Variants in SHC3 observed in about 807,000 individuals in gnomAD.
SHC3 encodes the protein SHC-transforming protein 3.
Under a neutral mutation model 60.4 loss-of-function variants are expected in SHC3, and 15 were observed. The ratio of observed to expected loss-of-function variants is 0.25; its 90% CI spans 0.17 to 0.38. The LOEUF (loss-of-function observed/expected upper bound fraction) is 0.38, where lower values mean the gene tolerates loss of function less well. Ranked by LOEUF, SHC3 falls within the 10% of genes least tolerant of loss-of-function variation. The probability of loss-of-function intolerance (pLI) is 1.00; values close to 1 mark genes in which losing one functional copy is unlikely to be tolerated. For missense variants in SHC3, 677 were observed against 786.1 expected, an observed-to-expected ratio of 0.86 and a Z score of 1.66; for synonymous variants, 294 against 325.9, an observed-to-expected ratio of 0.90 and a Z score of 1.05.
chr9:89,027,524 G>C (rs1012086732), intron 11 of SHC3, among the ~76,000 whole-genome samples: 8 of 152,054 alleles, frequency 5.3e-5, no homozygotes, highest in Non-Finnish European at 4.4e-5. Context: ...CACCATGTTA[G>C]CCAGGATGGT....
At position 89,012,333 on chromosome 9, in the gene SHC3, CTTG is replaced by C. The variant is rs1049067618; in HGVS notation, c.*1111_*1113del. 3 of 152,182 alleles carry C rather than the reference CTTG, an allele frequency of 2.0e-5. No individual in the cohort carries two copies. Among genetic ancestry groups the C allele is most frequent in the African/African-American group, 7.2e-5 (3 of 41,426 alleles). 9.4% of individuals were successfully genotyped at this position (152,182 alleles called of 1,614,324 possible). ...CTCTTCCCTGCAGCAACGGAGAAAC[CTTG>C]TTGTTGGGACAGCAGGCCTTTCCCC... On this transcript the variant is annotated 3_prime_UTR_variant, in exon 12 of 12. Coordinates refer to ENST00000375835, the MANE Select transcript of SHC3 (RefSeq NM_016848.6).
intron 6 of SHC3, among the ~76,000 whole-genome samples, chr9:89,052,705 C>A (rs190836135): frequency 2.8e-4 from 42 of 152,254 alleles, no homozygotes; most frequent in African/African-American, 8.4e-4. Flanking sequence ...AATAAGGAAA[C>A]CTTTGAAGAT....
At chr9:89,133,332 C>G (rs926272271) in intron 1 of SHC3, among the ~76,000 whole-genome samples, 4 of 152,176 alleles carry the variant, frequency 2.6e-5, no homozygotes, top group Non-Finnish European at 5.9e-5. Flanking sequence ...ACTAGTTCAA[C>G]CATTGTGGAA....
intron 2 of SHC3, among the ~76,000 whole-genome samples, chr9:89,079,427 G>A (rs1825411836): frequency 6.6e-6 from 1 of 152,186 alleles, no homozygotes; most frequent in Non-Finnish European, 1.5e-5. Flanking sequence ...AACCTCTGAT[G>A]GTTCCAGCAG....
At chr9:89,110,931 G>C (rs1465462475) in intron 2 of SHC3, among the ~76,000 whole-genome samples, 1 of 152,098 alleles carries the variant, frequency 6.6e-6, no homozygotes, top group Admixed American at 6.6e-5. Context: ...TTCTACCACA[G>C]AGAGTCCCAG....
chr9:89,015,649 G>T (rs1282971108), intron 11 of SHC3, among the ~76,000 whole-genome samples: 1 of 152,172 alleles, frequency 6.6e-6, no homozygotes, highest in Non-Finnish European at 1.5e-5. Context: ...AGAACTTATA[G>T]CCAGCAGAAC....
At position 89,110,378 on chromosome 9, in the gene SHC3, C is replaced by T. The variant is rs187171207; in HGVS notation, c.545+2178G>A. ...TTTTCCTGGTGCCTGTATAATATAA[C>T]TTAATTAGGACATTAGATTTCCCTA... On this transcript the variant is annotated intron_variant, in intron 2 of 11. Coordinates refer to ENST00000375835, the MANE Select transcript of SHC3 (RefSeq NM_016848.6). 1.0e-5 allele frequency: 10 copies of T among 985,054 alleles called. No individual in the cohort carries two copies. In the East Asian group the frequency reaches 8.0e-4, roughly 78 times the overall value. 61.0% of individuals were successfully genotyped at this position (985,054 alleles called of 1,614,324 possible).
At chr9:89,092,633 A>AAAT (rs1825641135) in intron 2 of SHC3, among the ~76,000 whole-genome samples, 1 of 151,754 alleles carries the variant, frequency 6.6e-6, no homozygotes, top group African/African-American at 2.4e-5. Context: ...AAAAAAAAAA[A>AAAT]AAAAAATCAG....
chr9:89,134,865 G>T (rs1165286194), intron 1 of SHC3, among the ~76,000 whole-genome samples: 1 of 152,074 alleles, frequency 6.6e-6, no homozygotes, highest in Non-Finnish European at 1.5e-5. Context: ...ACTAATAGAA[G>T]ACTGAAGTAA....
At chr9:89,029,169 C>T (rs1383193950) in intron 11 of SHC3, among the ~76,000 whole-genome samples, 2 of 151,610 alleles carry the variant, frequency 1.3e-5, no homozygotes, top group East Asian at 1.9e-4. Context: ...GGTCTACTCC[C>T]TCAACCAGGA....
intron 6 of SHC3, among the ~76,000 whole-genome samples, chr9:89,056,887 A>T (rs999561212): frequency 2.6e-5 from 4 of 152,170 alleles, no homozygotes; most frequent in African/African-American, 9.7e-5. Flanking sequence ...AAGGCAAAAA[A>T]CTTATCGGGA....
chr9:89,116,091 G>T (rs147332241), intron 1 of SHC3, among the ~76,000 whole-genome samples: 1 of 152,076 alleles, frequency 6.6e-6, no homozygotes, highest in Admixed American at 6.6e-5. Flanking sequence ...GCAAAATTAC[G>T]TGATACTGTG....
intron 3 of SHC3, among the ~76,000 whole-genome samples, chr9:89,075,545 T>C (rs545649366): frequency 2.6e-4 from 39 of 152,194 alleles, no homozygotes; most frequent in Non-Finnish European, 5.3e-4. Flanking sequence ...GAAGTCCTCA[T>C]ATGTAAACCT....
intron 2 of SHC3, among the ~76,000 whole-genome samples, chr9:89,085,643 C>T (rs1484248824): frequency 6.6e-6 from 1 of 152,246 alleles, no homozygotes; most frequent in East Asian, 1.9e-4. Flanking sequence ...AATTGTTCCA[C>T]TCCGGGACCT....
At position 89,130,405 on chromosome 9, in the gene SHC3, C is replaced by T. The variant is rs867241884; in HGVS notation, c.475-17779G>A. Among the ~76,000 whole-genome samples the T allele has an allele frequency of 1.3e-4, 20 of 152,268 alleles. 1 individual carries two copies. The Middle Eastern group carries it at 0.017, about 129-fold the overall frequency. On this transcript the variant is annotated intron_variant, in intron 1 of 11. Transcript: ENST00000375835. ...TCCAGGAATTGAACTCAGCTCTGCA[C>T]CAAGTGGATGTAATAGACATCTACA...
chr9:89,165,590 C>T (rs2118254082), intron 1 of SHC3, among the ~76,000 whole-genome samples: 1 of 143,298 alleles, frequency 7.0e-6, no homozygotes, highest in South Asian at 2.3e-4. Flanking sequence ...AGAAGAAAAA[C>T]TTGAAACCCT....
At chr9:89,118,220 ATT>A (rs370492467) in intron 1 of SHC3, among the ~76,000 whole-genome samples, 23 of 130,340 alleles carry the variant, frequency 1.8e-4, no homozygotes, top group East Asian at 2.2e-4. Context: ...GTCTCTACCT[ATT>A]TTTTTTTTTT....
chr9:89,058,932 C>T lies in SHC3; in HGVS notation c.835+6597G>A, dbSNP rs28973148. Among the ~76,000 whole-genome samples, 540 of 121,460 alleles carry T rather than the reference C, an allele frequency of 4.4e-3. 2 individuals carry two copies. The highest frequency in any genetic ancestry group is 7.7e-3 in the Middle Eastern group (1 of 130). 79.7% of individuals were successfully genotyped at this position (121,460 alleles called of 152,430 possible). On this transcript the variant is annotated intron_variant, in intron 6 of 11. Transcript: ENST00000375835. Reference sequence around the variant, plus strand: ...GTGGTGGAGGATGGTGGTGTTAGGACGTGGTAGAGGACGTGGTGGAAGACA... The same window carrying T: ...GTGGTGGAGGATGGTGGTGTTAGGATGTGGTAGAGGACGTGGTGGAAGACA...
chr9:89,114,826 G>A lies in SHC3; in HGVS notation c.475-2200C>T, dbSNP rs557553455. ...TTTGCAACCTCATCCACAATTACAT[G>A]TTTATAAGACTACCACCAGCAGCAA... On this transcript the variant is annotated intron_variant, in intron 1 of 11. Coordinates refer to ENST00000375835, the MANE Select transcript of SHC3 (RefSeq NM_016848.6). Among the ~76,000 whole-genome samples, 30 of 152,164 alleles carry A rather than the reference G, an allele frequency of 2.0e-4. No homozygotes were observed. In the South Asian group the frequency reaches 6.2e-3, roughly 32 times the overall value.
Sources: allele counts gnomAD v4.1 joint callset (sites outside exome capture counted in the v4.1 genomes callset), GRCh38; gene constraint gnomAD v4.1.1; transcripts MANE v1.5; gene names NCBI Gene and HGNC (gene_info 2026-07-23, HGNC 2026-07-21).